The following MYO18B variants were observed in gnomAD, a reference collection of about 807,000 sequenced individuals.
MYO18B encodes the protein myosin XVIIIB, also known as unconventional myosin-XVIIIb.
In MYO18B, 204 loss-of-function variants were observed where a neutral mutation model predicts 273.0. The observed-to-expected ratio is 0.75, with a 90% CI of 0.67 to 0.84. The LOEUF (loss-of-function observed/expected upper bound fraction) is 0.84, where lower values mean the gene tolerates loss of function less well. Among genes scored for constraint, MYO18B ranks in the 40% least tolerant of loss-of-function variants. The pLI is 0.00. For synonymous variants in MYO18B, 1,330 were observed against 1,305.7 expected, an observed-to-expected ratio of 1.02 and a Z score of -0.40; for missense variants, 3,212 against 3,287.6, an observed-to-expected ratio of 0.98 and a Z score of 0.56.
chr22:25,913,449 C>A (rs928218855), intron 33 of MYO18B, among the ~76,000 whole-genome samples: 5 of 152,296 alleles, frequency 3.3e-5, no homozygotes, highest in South Asian at 4.1e-4. Context: ...CTGCAAGCTC[C>A]GCTTCCTGGG....
At chr22:25,956,211 C>G (rs1177047288) in intron 39 of MYO18B, among the ~76,000 whole-genome samples, 1 of 146,028 alleles carries the variant, frequency 6.8e-6, no homozygotes, top group African/African-American at 2.6e-5. Flanking sequence ...GACCGAGGAA[C>G]CTTTTTTTTT....
the MYO18B span, among the ~76,000 whole-genome samples, chr22:26,051,059 C>T: frequency 3.4e-4 from 51 of 152,176 alleles, no homozygotes; most frequent in Admixed American, 1.6e-3. Flanking sequence ...GAACAAAGCG[C>T]GTGTTACATA....
At chr22:25,978,685 C>T (rs1161680172) in intron 39 of MYO18B, among the ~76,000 whole-genome samples, 1 of 152,078 alleles carries the variant, frequency 6.6e-6, no homozygotes, top group Admixed American at 6.6e-5. Context: ...CAGGCATGGT[C>T]GCTCATGCCT....
intron 14 of MYO18B, 61 bp downstream of exon 14, chr22:25,826,560 A>G (rs2089499889): frequency 6.9e-7 from 1 of 1,457,114 alleles, no homozygotes; most frequent in Non-Finnish European, 9.5e-7. Flanking sequence ...ATGAATTCAC[A>G]TACCGGGCAG....
Position 25,878,033 on chromosome 22 carries a change from T to A in MYO18B, c.4299T>A (p.Asp1433Glu). Reference protein sequence around the residue: ...KLRNELRQNTDLLESKIADLT... With the variant: ...KLRNELRQNTELLESKIADLT... The stretch of plus-strand genomic sequence containing the variant: ...GGAATGAACTCCGGCAGAACACAGA[T>A]CTGCTAGAAAGCAAGGTATCCCCAT... The change falls in exon 25 of 44, where the codon GAT (aspartate) becomes GAA (glutamate). Residue 1433 changes from aspartate (D) to glutamate (E), a missense_variant. Coordinates refer to ENST00000335473, the MANE Select transcript of MYO18B (RefSeq NM_032608.7). 1 of 1,581,366 alleles carries A rather than the reference T, an allele frequency of 6.3e-7. No individual in the cohort carries two copies. Among genetic ancestry groups the A allele is most frequent in the Non-Finnish European group, 8.6e-7 (1 of 1,163,198 alleles).
At chr22:25,927,721 G>A (rs1268739279) in intron 34 of MYO18B, among the ~76,000 whole-genome samples, 1 of 139,538 alleles carries the variant, frequency 7.2e-6, no homozygotes, top group African/African-American at 2.5e-5. Context: ...TGTGGCTTGT[G>A]GGGCATCACG....
At chr22:25,856,962 G>A (rs915237070) in intron 21 of MYO18B, among the ~76,000 whole-genome samples, 10 of 152,078 alleles carry the variant, frequency 6.6e-5, no homozygotes, top group African/African-American at 2.4e-4. Context: ...GTCCTCTCTA[G>A]GAAGCAGTGT....
At chr22:26,050,003 G>C in the MYO18B span, among the ~76,000 whole-genome samples, 7 of 152,322 alleles carry the variant, frequency 4.6e-5, no homozygotes, top group African/African-American at 1.7e-4. Flanking sequence ...AAGTGATTCG[G>C]AGTCAATGCT....
intron 39 of MYO18B, among the ~76,000 whole-genome samples, chr22:25,971,277 A>G (rs1180486666): frequency 1.3e-5 from 2 of 152,222 alleles, no homozygotes; most frequent in East Asian, 3.8e-4. Flanking sequence ...GAAGAAGTGG[A>G]GTTGGAGGCA....
the MYO18B span, among the ~76,000 whole-genome samples, chr22:26,062,547 G>C: frequency 6.6e-6 from 1 of 152,120 alleles, no homozygotes; most frequent in Non-Finnish European, 1.5e-5. Context: ...GTCGGAAACT[G>C]GTTCCATTCC....
At chr22:25,939,453 A>T (rs2092618579) in intron 34 of MYO18B, among the ~76,000 whole-genome samples, 1 of 152,220 alleles carries the variant, frequency 6.6e-6, no homozygotes. Context: ...CCAAGCTTTT[A>T]TCCTGCTTCA....
chr22:26,017,967 G>T (rs4822681), intron 42 of MYO18B, among the ~76,000 whole-genome samples: 2,198 of 9,584 alleles, frequency 0.23, 147 homozygotes, highest in African/African-American at 0.41. Flanking sequence ...TTACTGTTTT[G>T]TTTTTTTTTT....
At chr22:25,823,403 G>GGAGATTGGGAGGGTGCT in intron 12 of MYO18B, 102 bp from the exon 13 acceptor site, 1 of 1,299,734 alleles carries the variant, frequency 7.7e-7, no homozygotes, top group Non-Finnish European at 1.1e-6. Flanking sequence ...AGGCTGGCCT[G>GGAGATTGGGAGGGTGCT]GAGATTGGGA....
intron 11 of MYO18B, among the ~76,000 whole-genome samples, chr22:25,794,945 C>T (rs1240895800): frequency 1.3e-5 from 2 of 152,256 alleles, no homozygotes; most frequent in Non-Finnish European, 2.9e-5. Flanking sequence ...GACTAATTGT[C>T]TCAACTTCTC....
chr22:25,888,613 C>G (rs886200630), intron 25 of MYO18B, among the ~76,000 whole-genome samples: 1 of 149,156 alleles, frequency 6.7e-6, no homozygotes, highest in African/African-American at 2.5e-5. Context: ...ATAAGTACTT[C>G]CCTGGTGCAC....
chr22:26,003,709 A>C (rs1934184685), intron 41 of MYO18B, among the ~76,000 whole-genome samples: 2 of 152,066 alleles, frequency 1.3e-5, no homozygotes, highest in Non-Finnish European at 2.9e-5. Context: ...TCCACCCAAA[A>C]TTCCGTTCTT....
In MYO18B at chr22:25,744,547, C is replaced by T. The variant is rs542838566; in HGVS notation, c.-110+2254C>T. Among the ~76,000 whole-genome samples the T allele has an allele frequency of 3.1e-4, 47 of 152,110 alleles. No individual in the cohort carries two copies. The East Asian group carries it at 7.9e-3, about 26-fold the overall frequency. On this transcript the variant is annotated intron_variant, in intron 1 of 43. Transcript: ENST00000335473. ...GAGATCGAGACCATCCTGGCTAACA[C>T]GGTGAAACCCCGTCTCTACTAAAAA...
chr22:26,021,312 A>G (rs1935799329), intron 42 of MYO18B, among the ~76,000 whole-genome samples: 1 of 152,198 alleles, frequency 6.6e-6, no homozygotes, highest in African/African-American at 2.4e-5. Flanking sequence ...ACCCTTATTC[A>G]TCAGTTCATT....
intron 1 of MYO18B, 71 bp from the exon 2 acceptor site, chr22:25,760,913 G>T: frequency 1.5e-6 from 1 of 664,834 alleles, no homozygotes; most frequent in Non-Finnish European, 2.6e-6. Context: ...GTTGGTGGGG[G>T]TGGGAGTAGG....
Sources: gnomAD v4.1 joint callset for allele counts (sites outside exome capture counted in the v4.1 genomes callset) on GRCh38, gnomAD v4.1.1 for gene constraint, MANE v1.5 for transcripts, NCBI Gene and HGNC (gene_info 2026-07-23, HGNC 2026-07-21) for gene names.